UNC5D: variants seen among roughly 807,000 people sequenced by gnomAD.
The protein encoded by UNC5D is netrin receptor UNC5D.
Under a neutral mutation model 105.4 loss-of-function variants are expected in UNC5D, and 39 were observed. The observed-to-expected ratio is 0.37, with a 90% confidence interval of 0.29 to 0.48. The LOEUF is 0.48. Ranked by LOEUF, UNC5D falls within the 20% of genes least tolerant of loss-of-function variation. The pLI is 0.98. For missense variants in UNC5D, 991 were observed against 1,202.4 expected (o/e 0.82, Z 2.60); for synonymous variants, 452 against 450.4 (o/e 1.00, Z -0.04).
chr8:35,705,693 A>G (rs1359923277), intron 7 of UNC5D, among the ~76,000 whole-genome samples: 2 of 152,312 alleles, frequency 1.3e-5, no homozygotes, highest in Middle Eastern at 3.4e-3. Context: ...GTAAACCCAC[A>G]AGAAAATAAA....
intron 1 of UNC5D, among the ~76,000 whole-genome samples, chr8:35,490,190 A>C (rs999031271): frequency 6.6e-6 from 1 of 152,112 alleles, no homozygotes; most frequent in Non-Finnish European, 1.5e-5. Context: ...AAGTACAGAA[A>C]TGTCTTCTTT....
At chr8:35,718,522 T>C (rs997597051) in intron 8 of UNC5D, among the ~76,000 whole-genome samples, 4 of 152,220 alleles carry the variant, frequency 2.6e-5, no homozygotes, top group African/African-American at 9.6e-5. Context: ...AATAAATAGC[T>C]GTTCATGATG....
chr8:35,424,689 A>G lies in UNC5D; in HGVS notation c.104-124603A>G, dbSNP rs1272282013. ...ATCTGGAGGTGACGCAGATTCAGCT[A>G]CACACTCATCTCTATAGTGTGGGCT... On this transcript the variant is annotated intron_variant, in intron 1 of 16. Coordinates refer to ENST00000404895, the MANE Select transcript of UNC5D (RefSeq NM_080872.4). Among the ~76,000 whole-genome samples the G allele has an allele frequency of 2.6e-5, 4 of 152,192 alleles. No homozygotes were observed. The South Asian group carries it at 6.2e-4, about 24-fold the overall frequency.
At chr8:35,766,131 C>T (rs1168611220) in intron 14 of UNC5D, among the ~76,000 whole-genome samples, 1 of 152,098 alleles carries the variant, frequency 6.6e-6, no homozygotes, top group African/African-American at 2.4e-5. Context: ...ATTTTTGCCT[C>T]TCAGTTGTCC....
chr8:35,467,652 A>G (rs777129649), intron 1 of UNC5D, among the ~76,000 whole-genome samples: 5 of 152,016 alleles, frequency 3.3e-5, no homozygotes, highest in Non-Finnish European at 7.4e-5. Flanking sequence ...TATTTAAAGA[A>G]CTTTCAGATA....
At chr8:35,508,056 A>G (rs953209337) in intron 1 of UNC5D, among the ~76,000 whole-genome samples, 1 of 152,212 alleles carries the variant, frequency 6.6e-6, no homozygotes, top group African/African-American at 2.4e-5. Context: ...CATTGGTCCT[A>G]TCATGACAGT....
At chr8:35,506,578 G>T (rs1003693975) in intron 1 of UNC5D, among the ~76,000 whole-genome samples, 1 of 152,234 alleles carries the variant, frequency 6.6e-6, no homozygotes, top group Non-Finnish European at 1.5e-5. Context: ...CAGTTAGCCT[G>T]AGGTCACAGA....
intron 1 of UNC5D, among the ~76,000 whole-genome samples, chr8:35,449,703 G>T (rs1344608164): frequency 6.6e-6 from 1 of 152,028 alleles, no homozygotes; most frequent in Non-Finnish European, 1.5e-5. Context: ...CATATCAAAA[G>T]CTCCATGAGA....
At chr8:35,506,437 A>G (rs556253816) in intron 1 of UNC5D, among the ~76,000 whole-genome samples, 1 of 152,334 alleles carries the variant, frequency 6.6e-6, no homozygotes, top group South Asian at 2.1e-4. Context: ...CAGGGGCTTG[A>G]TAAAGAATGT....
At chr8:35,462,862 C>T (rs1294276554) in intron 1 of UNC5D, among the ~76,000 whole-genome samples, 1 of 152,070 alleles carries the variant, frequency 6.6e-6, no homozygotes, top group African/African-American at 2.4e-5. Flanking sequence ...ATCTCCATCC[C>T]CCAATTTAAG....
At chr8:35,591,382 A>ATTTACT (rs1819165273) in intron 3 of UNC5D, among the ~76,000 whole-genome samples, 1 of 152,082 alleles carries the variant, frequency 6.6e-6, no homozygotes, top group Admixed American at 6.5e-5. Flanking sequence ...ATACTTGTAA[A>ATTTACT]TTTACTTTTG....
At chr8:35,246,457 T>A (rs190952224) in intron 1 of UNC5D, among the ~76,000 whole-genome samples, 1 of 152,152 alleles carries the variant, frequency 6.6e-6, no homozygotes, top group Non-Finnish European at 1.5e-5. Context: ...GGTTAATGCA[T>A]ACATGTATAA....
intron 16 of UNC5D, among the ~76,000 whole-genome samples, chr8:35,785,307 A>G (rs572353792): frequency 6.6e-6 from 1 of 152,330 alleles, no homozygotes; most frequent in East Asian, 1.9e-4. Context: ...CACACATGTA[A>G]GCAGCAAAAT....
At chr8:35,351,616 C>T (rs1051190917) in intron 1 of UNC5D, among the ~76,000 whole-genome samples, 1 of 151,878 alleles carries the variant, frequency 6.6e-6, no homozygotes, top group African/African-American at 2.4e-5. Context: ...ATTATTGTCC[C>T]CTAGGAAGGA....
At chr8:35,259,606 G>GT (rs890797471) in intron 1 of UNC5D, among the ~76,000 whole-genome samples, 1 of 152,028 alleles carries the variant, frequency 6.6e-6, no homozygotes, top group Admixed American at 6.6e-5. Context: ...ACTGATTTAC[G>GT]TTTTTTCCTC....
At chr8:35,651,906 A>C (rs1823428832) in intron 4 of UNC5D, among the ~76,000 whole-genome samples, 1 of 152,210 alleles carries the variant, frequency 6.6e-6, no homozygotes, top group Non-Finnish European at 1.5e-5. Flanking sequence ...TCTGCTACTT[A>C]AGAAACTTTG....
rs67076001 is a variant in UNC5D at position 35,323,188 on chromosome 8, CTTTTTT to C, written c.103+87315_103+87320del. Among the ~76,000 whole-genome samples, 60 of 125,918 alleles carry C rather than the reference CTTTTTT, an allele frequency of 4.8e-4. 1 individual carries two copies. Among genetic ancestry groups the C allele is most frequent in the Admixed American group, 9.4e-4 (12 of 12,738 alleles). The allele number at this position is 125,918 out of a possible 152,430, so 82.6% of individuals were successfully genotyped here. On this transcript the variant is annotated intron_variant, in intron 1 of 16. Coordinates refer to ENST00000404895, the MANE Select transcript of UNC5D (RefSeq NM_080872.4). ...CTGTTTTTTTCTAATTTTTCTTTTT[CTTTTTT>C]TTTTTTTTTTTTTCACATGAATGGA... is the stretch of plus-strand genomic sequence containing the variant.
At chr8:35,462,762 A>T (rs1007969298) in intron 1 of UNC5D, among the ~76,000 whole-genome samples, 3 of 152,178 alleles carry the variant, frequency 2.0e-5, no homozygotes, top group Non-Finnish European at 4.4e-5. Context: ...CAAAGGAGTA[A>T]GAGCAAATTA....
At chr8:35,430,301 TGGATGTTTC>T (rs1806537785) in intron 1 of UNC5D, among the ~76,000 whole-genome samples, 1 of 122,150 alleles carries the variant, frequency 8.2e-6, no homozygotes, top group African/African-American at 3.0e-5. Context: ...GCCGAACATC[TGGATGTTTC>T]TGGAGGCTGG....
Sources: gnomAD v4.1 joint callset for allele counts (sites outside exome capture counted in the v4.1 genomes callset) on GRCh38, gnomAD v4.1.1 for gene constraint, MANE v1.5 for transcripts, NCBI Gene and HGNC (gene_info 2026-07-23, HGNC 2026-07-21) for gene names.